Variants in CEP126 observed in about 807,000 individuals in gnomAD.
CEP126 encodes centrosomal protein 126, also known as centrosomal protein of 126 kDa.
CEP126 carries 74 observed loss-of-function variants against 107.8 expected under a neutral mutation model. That is an observed-to-expected ratio of 0.69 (90% CI 0.57 to 0.83). The LOEUF (loss-of-function observed/expected upper bound fraction) is 0.83, where lower values mean the gene tolerates loss of function less well. CEP126 is among the 40% of genes least tolerant of loss of function. The pLI is 0.00. For synonymous variants in CEP126, 449 were observed against 446.0 expected (o/e 1.01, Z -0.08); for missense variants, 1,237 against 1,281.9 (o/e 0.96, Z 0.53).
intron 4 of CEP126, among the ~76,000 whole-genome samples, chr11:101,949,641 G>GA (rs199845155): frequency 3.3e-5 from 5 of 151,828 alleles, no homozygotes; most frequent in East Asian, 1.9e-4. Flanking sequence ...ATTTTCATGG[G>GA]AAAAAAAATA....
chr11:101,940,190 G>T (rs1025862267), intron 2 of CEP126, among the ~76,000 whole-genome samples: 2 of 152,130 alleles, frequency 1.3e-5, no homozygotes, highest in Non-Finnish European at 2.9e-5. Context: ...ACATAAAGAC[G>T]ACAGTTGCCT....
At chr11:101,971,228 G>T (rs900939396) in intron 6 of CEP126, among the ~76,000 whole-genome samples, 1 of 151,864 alleles carries the variant, frequency 6.6e-6, no homozygotes, top group African/African-American at 2.4e-5. Context: ...GCCTCCCTAG[G>T]CCTCCCAAGT....
Position 101,963,792 on chromosome 11 carries a change from G to C in CEP126, c.2757G>C (p.Pro919=). The C allele has an allele frequency of 6.2e-7, 1 of 1,614,074 alleles. No homozygotes were observed. Among genetic ancestry groups the C allele is most frequent in the Non-Finnish European group, 8.5e-7 (1 of 1,179,980 alleles). ...GTCCTGTTTGTGAAGAAAGTTATCC[G>C]TCTGTGACTCTAAGAACTGCTGAAG... ...QRSPVCEESY[P]SVTLRTAEEE... Residue 919 remains proline (P), a synonymous_variant, in exon 6 of 11, where the codon CCG becomes CCC. Coordinates refer to ENST00000263468, the MANE Select transcript of CEP126 (RefSeq NM_020802.4).
intron 4 of CEP126, among the ~76,000 whole-genome samples, chr11:101,954,557 CTAGT>C (rs1940858362): frequency 6.6e-6 from 1 of 151,972 alleles, no homozygotes; most frequent in Non-Finnish European, 1.5e-5. Context: ...ATTAGAATAC[CTAGT>C]TAGTTTTCAT....
rs1373607940 is a variant in CEP126, at chr11:101,999,502, A to T, written c.*1859A>T. The T allele has an allele frequency of 1.3e-5, 2 of 151,822 alleles. No homozygotes were observed. The highest frequency in any genetic ancestry group is 3.9e-4 in the East Asian group (2 of 5,172). 9.4% of individuals were successfully genotyped at this position (151,822 alleles called of 1,614,324 possible). A position where few individuals can be genotyped will look rare whatever the true frequency, so the allele number is the denominator to read the frequency against. On this transcript the variant is annotated 3_prime_UTR_variant, in exon 11 of 11. Coordinates refer to ENST00000263468, the MANE Select transcript of CEP126 (RefSeq NM_020802.4). ...TCAGAATAGGCCAAAAAAAAAAAAA[A>T]AAAAAGCCTAAATAGTAAGCTGGTG... is the stretch of plus-strand genomic sequence containing the variant.
chr11:101,945,366 A>G (rs957827599), intron 3 of CEP126, among the ~76,000 whole-genome samples: 1 of 152,134 alleles, frequency 6.6e-6, no homozygotes, highest in African/African-American at 2.4e-5. Flanking sequence ...AAGAAGAAAA[A>G]TGGATATGAA....
intron 1 of CEP126, among the ~76,000 whole-genome samples, chr11:101,920,078 G>A (rs1255186385): frequency 6.6e-6 from 1 of 152,146 alleles, no homozygotes; most frequent in African/African-American, 2.4e-5. Flanking sequence ...AAATATGTTT[G>A]TGAGTGTGTT....
intron 3 of CEP126, among the ~76,000 whole-genome samples, chr11:101,945,709 C>A (rs77838426): frequency 6.6e-6 from 1 of 152,014 alleles, no homozygotes; most frequent in Non-Finnish European, 1.5e-5. Flanking sequence ...CAGTTTATAC[C>A]CTCACTGTCA....
At chr11:101,938,171 A>AAAAAAAAAAAAAAAAAAAAC (rs1307777067) in intron 2 of CEP126, among the ~76,000 whole-genome samples, 7 of 144,596 alleles carry the variant, frequency 4.8e-5, no homozygotes, top group African/African-American at 1.8e-4. Flanking sequence ...AAAAAAAAAA[A>AAAAAAAAAAAAAAAAAAAAC]AAAAATACAA....
chr11:101,940,153 G>A (rs1266224911), intron 2 of CEP126, among the ~76,000 whole-genome samples: 1 of 152,190 alleles, frequency 6.6e-6, no homozygotes, highest in African/African-American at 2.4e-5. Flanking sequence ...ATTTTATGCA[G>A]TTACATGCTG....
intron 6 of CEP126, among the ~76,000 whole-genome samples, chr11:101,977,131 AAGTTAT>A (rs1011771802): frequency 1.3e-5 from 2 of 152,124 alleles, no homozygotes; most frequent in Non-Finnish European, 2.9e-5. Context: ...TTTAGTGTAA[AAGTTAT>A]AGTTATAATT....
At chr11:101,978,545 G>A (rs1941219650) in intron 7 of CEP126, 86 bp downstream of exon 7, 9 of 812,948 alleles carry the variant, frequency 1.1e-5, no homozygotes, top group Non-Finnish European at 1.9e-5. Context: ...TGCTCTTGCT[G>A]TAAACTGTAT....
At chr11:101,926,968 C>A (rs1322355647) in intron 2 of CEP126, among the ~76,000 whole-genome samples, 1 of 152,098 alleles carries the variant, frequency 6.6e-6, no homozygotes, top group Non-Finnish European at 1.5e-5. Context: ...TGAGTTCTTG[C>A]ATTGAGGATT....
intron 10 of CEP126, among the ~76,000 whole-genome samples, chr11:101,996,989 G>A (rs1186773697): frequency 6.6e-6 from 1 of 152,032 alleles, no homozygotes; most frequent in East Asian, 1.9e-4. Context: ...TTTAAATGCA[G>A]GTTCAAATAA....
At chr11:101,966,231 A>G (rs1941056039) in intron 6 of CEP126, among the ~76,000 whole-genome samples, 1 of 152,192 alleles carries the variant, frequency 6.6e-6, no homozygotes, top group African/African-American at 2.4e-5. Flanking sequence ...TAACAGTACT[A>G]ACAATACTGA....
At chr11:101,920,098 G>A (rs997730833) in intron 1 of CEP126, among the ~76,000 whole-genome samples, 1 of 152,112 alleles carries the variant, frequency 6.6e-6, no homozygotes, top group African/African-American at 2.4e-5. Flanking sequence ...TTGGGTCTTT[G>A]TCTTGAAGTA....
At chr11:101,987,297 C>A (rs1941327725) in intron 9 of CEP126, among the ~76,000 whole-genome samples, 1 of 152,158 alleles carries the variant, frequency 6.6e-6, no homozygotes, top group Admixed American at 6.5e-5. Context: ...CAGCAATGGA[C>A]AGGCTACATA....
intron 6 of CEP126, among the ~76,000 whole-genome samples, chr11:101,971,611 G>C (rs1941130316): frequency 1.3e-5 from 2 of 152,106 alleles, no homozygotes; most frequent in South Asian, 4.1e-4. Flanking sequence ...GGCTGAACTT[G>C]AATTCCTGGG....
At chr11:101,980,551 C>T (rs1168619324) in intron 7 of CEP126, among the ~76,000 whole-genome samples, 1 of 152,206 alleles carries the variant, frequency 6.6e-6, no homozygotes, top group Non-Finnish European at 1.5e-5. Context: ...CTTCACCCAT[C>T]CACTTATACA....
Sources: gnomAD v4.1 joint callset for allele counts (sites outside exome capture counted in the v4.1 genomes callset) on GRCh38, gnomAD v4.1.1 for gene constraint, MANE v1.5 for transcripts, NCBI Gene and HGNC (gene_info 2026-07-23, HGNC 2026-07-21) for gene names.